Variants in ZNF641 observed in about 807,000 individuals in gnomAD.
The protein encoded by ZNF641 is zinc finger protein 641.
A neutral mutation model predicts 46.2 loss-of-function variants in ZNF641; 26 were observed. That is an observed-to-expected ratio of 0.56 (90% CI 0.41 to 0.78). The LOEUF (loss-of-function observed/expected upper bound fraction) is 0.78, where lower values mean the gene tolerates loss of function less well. Among genes scored for constraint, ZNF641 ranks in the 30% least tolerant of loss-of-function variants. The probability of loss-of-function intolerance (pLI) is 0.00; values close to 1 mark genes in which losing one functional copy is unlikely to be tolerated. For missense variants in ZNF641, 469 were observed against 517.8 expected, an observed-to-expected ratio of 0.91 and a Z score of 0.91; for synonymous variants, 163 against 187.9, an observed-to-expected ratio of 0.87 and a Z score of 1.09.
At position 48,340,665 on chromosome 12, in the gene ZNF641, G is replaced by C. The variant is rs995856970; in HGVS notation, c.*2308C>G. ...TTTAGGGATTCCACAGATGGGCTTT[G>C]AACCTGCTAAATGTGTATGGAAAAC... is the stretch of plus-strand genomic sequence containing the variant. On this transcript the variant is annotated 3_prime_UTR_variant, in exon 6 of 6. Coordinates refer to ENST00000547026, the MANE Select transcript of ZNF641 (RefSeq NM_001172681.2). The C allele has an allele frequency of 1.2e-5, 12 of 985,312 alleles. No individual in the cohort carries two copies. Among genetic ancestry groups the C allele is most frequent in the Non-Finnish European group, 1.4e-5 (12 of 829,932 alleles). The allele number at this position is 985,312 out of a possible 1,614,324, so 61.0% of individuals were successfully genotyped here. A position where few individuals can be genotyped will look rare whatever the true frequency, so the allele number is the denominator to read the frequency against.
rs1357141542 is a variant in ZNF641, at chr12:48,342,869, G to A, written c.*104C>T. Reference sequence around the variant, plus strand: ...TCATCTTTCTAGGGATGGGGTCAGGGCTTATGATTCTGGCCACTGGGGTTC... The same window carrying A: ...TCATCTTTCTAGGGATGGGGTCAGGACTTATGATTCTGGCCACTGGGGTTC... On this transcript the variant is annotated 3_prime_UTR_variant, in exon 6 of 6. Transcript: ENST00000547026. The A allele has an allele frequency of 2.0e-6, 3 of 1,491,960 alleles. No homozygotes were observed. The African/African-American group carries it at 4.2e-5, about 21-fold the overall frequency. The allele number at this position is 1,491,960 out of a possible 1,614,324, so 92.4% of individuals were successfully genotyped here.
intron 1 of ZNF641, chr12:48,350,228 G>A (rs1952991948): frequency 6.8e-7 from 1 of 1,476,182 alleles, no homozygotes; most frequent in South Asian, 1.4e-5. Context: ...CCTGCAAAAG[G>A]AAGTTTCTGC....
chr12:48,348,068 G>A lies in ZNF641; in HGVS notation c.23C>T (p.Ala8Val), dbSNP rs369365035. The change falls in exon 2 of 6, where the codon GCG (alanine) becomes GTG (valine). Residue 8 changes from alanine (A) to valine (V), a missense_variant. Around this residue, in one of 3 missense-constraint regions of ZNF641, gnomAD observed 98 missense variants for 105.7 expected, o/e 0.93. Transcript: ENST00000547026. MLSEQTA[A>V]LGTGWESMNV... ...CATTGATTCCCATCCTGTCCCCAGCGCTGCTGTCTGTTCTGAAAGCATTTC... is the reference window on the plus strand; with the variant it reads ...CATTGATTCCCATCCTGTCCCCAGCACTGCTGTCTGTTCTGAAAGCATTTC... 9.9e-6 allele frequency: 16 copies of A among 1,614,068 alleles called. No homozygotes were observed. Among genetic ancestry groups the A allele is most frequent in the Admixed American group, 6.7e-5 (4 of 60,002 alleles).
At position 48,340,302 on chromosome 12, in the gene ZNF641, C is replaced by T; in HGVS notation, c.*2671G>A. The stretch of plus-strand genomic sequence containing the variant: ...CTTGCACCTAACTCTGGGGGCTTCA[C>T]TTTCTATCCCTACAATTACTCAAAC... On this transcript the variant is annotated 3_prime_UTR_variant, in exon 6 of 6. Coordinates refer to ENST00000547026, the MANE Select transcript of ZNF641 (RefSeq NM_001172681.2). The T allele has an allele frequency of 1.0e-6, 1 of 985,424 alleles. No individual in the cohort carries two copies. The highest frequency in any genetic ancestry group is 1.2e-6 in the Non-Finnish European group (1 of 829,938). The allele number at this position is 985,424 out of a possible 1,614,324, so 61.0% of individuals were successfully genotyped here.
rs1952616726 is a variant in ZNF641 at position 48,337,230 on chromosome 12, T to G, written c.*5743A>C. 6.6e-6 allele frequency: 1 copy of G among 152,228 alleles called. No homozygotes were observed. The highest frequency in any genetic ancestry group is 1.5e-5 in the Non-Finnish European group (1 of 68,044). The allele number at this position is 152,228 out of a possible 1,614,324, so 9.4% of individuals were successfully genotyped here. ...CAACTGACAGGGACCATAAGTCCCC[T>G]GTTGGGTAACCCAAGGAAGTTCACA... On this transcript the variant is annotated 3_prime_UTR_variant, in exon 6 of 6. Coordinates refer to ENST00000547026, the MANE Select transcript of ZNF641 (RefSeq NM_001172681.2).
At chr12:48,334,618 C>A (rs1289934846), downstream of ZNF641, among the ~76,000 whole-genome samples, 2 of 152,072 alleles carry the variant, frequency 1.3e-5, no homozygotes, top group African/African-American at 2.4e-5. Flanking sequence ...TTATTATGCA[C>A]GTGAATGCGA....
At chr12:48,350,295 C>T (rs1952994580) in intron 1 of ZNF641, 1 of 1,341,026 alleles carries the variant, frequency 7.5e-7, no homozygotes, top group Non-Finnish European at 9.7e-7. Context: ...AGCCCAAGGG[C>T]ACACGGACGA....
rs923251684 is a variant in ZNF641, at chr12:48,338,507, C to T, written c.*4466G>A. ...GTGGGCAGATTTATAACTGTCAGTT[C>T]AGTCTGTCCTCATAGGTGCGCCTGG... On this transcript the variant is annotated 3_prime_UTR_variant, in exon 6 of 6. Coordinates refer to ENST00000547026, the MANE Select transcript of ZNF641 (RefSeq NM_001172681.2). The T allele has an allele frequency of 6.6e-6, 1 of 152,250 alleles. No homozygotes were observed. The highest frequency in any genetic ancestry group is 2.4e-5 in the African/African-American group (1 of 41,428). The allele number at this position is 152,250 out of a possible 1,614,324, so 9.4% of individuals were successfully genotyped here. A position where few individuals can be genotyped will look rare whatever the true frequency, so the allele number is the denominator to read the frequency against.
At chr12:48,347,107 T>C (rs1010590329) in intron 3 of ZNF641, 145 bp downstream of exon 3, 2 of 1,443,278 alleles carry the variant, frequency 1.4e-6, no homozygotes, top group Non-Finnish European at 1.8e-6. Flanking sequence ...TTATGACCCC[T>C]TGGAAAGGGA....
In ZNF641 at chr12:48,341,580, A is replaced by T; in HGVS notation, c.*1393T>A. On this transcript the variant is annotated 3_prime_UTR_variant, in exon 6 of 6. Coordinates refer to ENST00000547026, the MANE Select transcript of ZNF641 (RefSeq NM_001172681.2). ...AAAGTTCTGTTTCTGGGAGAATGAG[A>T]TCTTCAAGAATAACTCTTGCCCCTT... 1 of 985,460 alleles carries T rather than the reference A, an allele frequency of 1.0e-6. No homozygotes were observed. The highest frequency in any genetic ancestry group is 1.2e-6 in the Non-Finnish European group (1 of 829,930). The allele number at this position is 985,460 out of a possible 1,614,324, so 61.0% of individuals were successfully genotyped here. A position where few individuals can be genotyped will look rare whatever the true frequency, so the allele number is the denominator to read the frequency against.
Position 48,343,624 on chromosome 12 carries a change from A to C in ZNF641, c.624T>G (p.His208Gln). 6.3e-7 allele frequency: 1 copy of C among 1,599,334 alleles called. No individual in the cohort carries two copies. ...SEDTVLWNPE[H>Q]DESWDSMPSS... The stretch of plus-strand genomic sequence containing the variant: ...TGGGCATGGAATCCCAGCTCTCATC[A>C]TGCTCCGGGTTCCAGAGAACAGTAT... The change falls in exon 6 of 6, where the codon CAT becomes CAG. Residue 208 changes from histidine to glutamine, a missense_variant. By Grantham distance (24) the His-to-Gln change is conservative. Transcript: ENST00000547026.
At chr12:48,348,197 G>A in intron 1 of ZNF641, 82 bp from the exon 2 acceptor site, 1 of 1,416,438 alleles carries the variant, frequency 7.1e-7, no homozygotes, top group Non-Finnish European at 9.8e-7. Flanking sequence ...AACAGGCCCA[G>A]GGATAATAGA....
chr12:48,350,716 C>G lies in ZNF641; in HGVS notation c.-26+70G>C. 4.7e-6 allele frequency: 3 copies of G among 636,908 alleles called. No homozygotes were observed. In the African/African-American group the frequency reaches 5.9e-5, roughly 12 times the overall value. The allele number at this position is 636,908 out of a possible 1,614,324, so 39.5% of individuals were successfully genotyped here. On this transcript the variant is annotated intron_variant, in intron 1 of 5. Transcript: ENST00000547026. ...CAGCCCCTATGGGTGACCGAGCCCCCACCAGCCGCCCCGGGAAGCCAGGCG... is the reference window on the plus strand; with the variant it reads ...CAGCCCCTATGGGTGACCGAGCCCCGACCAGCCGCCCCGGGAAGCCAGGCG...
chr12:48,347,002 T>C (rs1195884098), intron 3 of ZNF641: 10 of 646,250 alleles, frequency 1.5e-5, no homozygotes, highest in Non-Finnish European at 2.5e-5. Flanking sequence ...CACAGTGAGA[T>C]TCTGTCTCAA....
chr12:48,345,574 G>A, intron 3 of ZNF641, 100 bp from the exon 4 acceptor site: 1 of 1,494,554 alleles, frequency 6.7e-7, no homozygotes, highest in Non-Finnish European at 9.1e-7. Flanking sequence ...GGTGAGAAAT[G>A]ATCTGAGAAA....
chr12:48,343,468 T>C lies in ZNF641; in HGVS notation c.780A>G (p.Val260=), dbSNP rs1592142822. Residue 260 remains valine (V), a synonymous_variant, in exon 6 of 6, where the codon GTA becomes GTG. Transcript: ENST00000547026. ...GATGCCTGGCAAGGTGGGAACCCCATACAAACTGTTTCCCACACTGGGGGC... is the reference window on the plus strand; with the variant it reads ...GATGCCTGGCAAGGTGGGAACCCCACACAAACTGTTTCCCACACTGGGGGC... ...HTCPQCGKQF[V]WGSHLARHQQ... 1 of 1,613,998 alleles carries C rather than the reference T, an allele frequency of 6.2e-7. No individual in the cohort carries two copies. The highest frequency in any genetic ancestry group is 1.6e-4 in the Middle Eastern group (1 of 6,062).
chr12:48,345,380 A>C lies in ZNF641; in HGVS notation c.371T>G (p.Val124Gly), dbSNP rs749913887. 6.2e-7 allele frequency: 1 copy of C among 1,614,100 alleles called. No homozygotes were observed. The highest frequency in any genetic ancestry group is 8.5e-7 in the Non-Finnish European group (1 of 1,180,006). ...PSQTDFYGEYVMQENCGIVVS... is the reference protein window; with the variant it reads ...PSQTDFYGEYGMQENCGIVVS... ...TACTATCCCACAGTTTTCCTGCATG[A>C]CATATTCTCCATAAAAGTCTGTCTG... The change falls in exon 4 of 6, where the codon GTC (valine) becomes GGC (glycine). Residue 124 changes from valine to glycine, a missense_variant. Around this residue, in one of 3 missense-constraint regions of ZNF641, gnomAD observed 25 missense variants for 58.1 expected, o/e 0.43. Transcript: ENST00000547026.
At position 48,339,318 on chromosome 12, in the gene ZNF641, T is replaced by C. The variant is rs570279260; in HGVS notation, c.*3655A>G. On this transcript the variant is annotated 3_prime_UTR_variant, in exon 6 of 6. Coordinates refer to ENST00000547026, the MANE Select transcript of ZNF641 (RefSeq NM_001172681.2). ...CTTGAAATATGAATCCCCTAGCCAG[T>C]GGTTCTCAAACTTTAGCTTGTATCA... 48 of 152,310 alleles carry C rather than the reference T, an allele frequency of 3.2e-4. No homozygotes were observed. Among genetic ancestry groups the C allele is most frequent in the African/African-American group, 1.1e-3 (47 of 41,562 alleles). The allele number at this position is 152,310 out of a possible 1,614,324, so 9.4% of individuals were successfully genotyped here. A position where few individuals can be genotyped will look rare whatever the true frequency, so the allele number is the denominator to read the frequency against.
chr12:48,339,853 A>G lies in ZNF641; in HGVS notation c.*3120T>C. 1.1e-6 allele frequency: 1 copy of G among 871,362 alleles called. No individual in the cohort carries two copies. Among genetic ancestry groups the G allele is most frequent in the Non-Finnish European group, 1.4e-6 (1 of 725,590 alleles). 54.0% of individuals were successfully genotyped at this position (871,362 alleles called of 1,614,324 possible). On this transcript the variant is annotated 3_prime_UTR_variant, in exon 6 of 6. Coordinates refer to ENST00000547026, the MANE Select transcript of ZNF641 (RefSeq NM_001172681.2). ...ATTAGAACTAAGGCGTAAAGTGTAAATAGCCTGGTGAAAAGCTAACACTTT... is the reference window on the plus strand; with the variant it reads ...ATTAGAACTAAGGCGTAAAGTGTAAGTAGCCTGGTGAAAAGCTAACACTTT...
Sources: gnomAD v4.1 joint callset for allele counts (sites outside exome capture counted in the v4.1 genomes callset) on GRCh38, gnomAD v4.1.1 for gene constraint, gnomAD v4.1.1 regional missense constraint, MANE v1.5 for transcripts, NCBI Gene and HGNC (gene_info 2026-07-23, HGNC 2026-07-21) for gene names.